Variants in NDUFAF5 observed in about 807,000 individuals in gnomAD.
NDUFAF5 encodes the protein NADH:ubiquinone oxidoreductase complex assembly factor 5.
NDUFAF5 carries 34 observed loss-of-function variants against 48.9 expected under a neutral mutation model. The ratio of observed to expected loss-of-function variants is 0.70; its 90% CI spans 0.53 to 0.93. The LOEUF (loss-of-function observed/expected upper bound fraction) is 0.93, where lower values mean the gene tolerates loss of function less well. Among genes scored for constraint, NDUFAF5 ranks in the 40% least tolerant of loss-of-function variants. The pLI is 0.00. For synonymous variants in NDUFAF5, 153 were observed against 150.6 expected (o/e 1.02, Z -0.12); for missense variants, 428 against 427.5 (o/e 1.00, Z -0.01).
In NDUFAF5 at chr20:13,785,122, G is replaced by A; in HGVS notation, c.54G>A (p.Arg18=). Residue 18 remains arginine (R), a synonymous_variant, in exon 1 of 11, where the codon AGG becomes AGA. Transcript: ENST00000378106. Reference sequence around the variant, plus strand: ...TATGTCGGCGACCTTGGGCGGCGAGGGTCCCAGCGGAGAATCTTGGCCGTA... The same window carrying A: ...TATGTCGGCGACCTTGGGCGGCGAGAGTCCCAGCGGAGAATCTTGGCCGTA... ...WRLCRRPWAA[R]VPAENLGRRE... 1 of 1,613,832 alleles carries A rather than the reference G, an allele frequency of 6.2e-7. No homozygotes were observed.
intron 5 of NDUFAF5, among the ~76,000 whole-genome samples, chr20:13,795,253 G>T (rs147108400): frequency 2.6e-5 from 4 of 152,256 alleles, no homozygotes; most frequent in African/African-American, 7.2e-5. Flanking sequence ...TTGGGAGCAG[G>T]AGTTTGAAAG....
At chr20:13,803,504 TAA>T (rs951492245) in intron 7 of NDUFAF5, 6 of 152,226 alleles carry the variant, frequency 3.9e-5, no homozygotes, top group African/African-American at 1.4e-4. Flanking sequence ...GCTATACAGA[TAA>T]AGCGAAAGTC....
intron 8 of NDUFAF5, chr20:13,815,919 G>A (rs1457240672): frequency 6.4e-6 from 1 of 155,346 alleles, no homozygotes; most frequent in East Asian, 1.8e-4. Flanking sequence ...CCAAAAGAAT[G>A]CACATAATTC....
chr20:13,816,725 C>T, intron 9 of NDUFAF5, 150 bp from the exon 10 acceptor site: 2 of 753,118 alleles, frequency 2.7e-6, no homozygotes, highest in South Asian at 1.5e-5. Flanking sequence ...ATTTCCTTAC[C>T]CTCAGTATTA....
In NDUFAF5 at chr20:13,785,064, T is replaced by G; in HGVS notation, c.-5T>G. 6.2e-7 allele frequency: 1 copy of G among 1,609,754 alleles called. No homozygotes were observed. Among genetic ancestry groups the G allele is most frequent in the Non-Finnish European group, 8.5e-7 (1 of 1,179,056 alleles). On this transcript the variant is annotated 5_prime_UTR_variant, in exon 1 of 11. Coordinates refer to ENST00000378106, the MANE Select transcript of NDUFAF5 (RefSeq NM_024120.5). Reference sequence around the variant, plus strand: ...AAGCGCCGGCAATTGGGGTCGCAGCTGGAGATGCTGCGGCCGGCAGGGCTC... The same window carrying G: ...AAGCGCCGGCAATTGGGGTCGCAGCGGGAGATGCTGCGGCCGGCAGGGCTC...
chr20:13,799,242 A>G (rs763630563), intron 6 of NDUFAF5, among the ~76,000 whole-genome samples: 7 of 152,214 alleles, frequency 4.6e-5, no homozygotes, highest in Non-Finnish European at 8.8e-5. Flanking sequence ...ATTCAGAGCC[A>G]CTGGAGCATT....
chr20:13,802,667 G>A (rs796120931), intron 7 of NDUFAF5, among the ~76,000 whole-genome samples: 102 of 53,186 alleles, frequency 1.9e-3, no homozygotes, highest in African/African-American at 7.1e-3. Flanking sequence ...TGAAATTCCC[G>A]TCTCAAAAAA....
In NDUFAF5 at chr20:13,785,269, AT is replaced by A. The variant is rs747228795; in HGVS notation, c.204del (p.Phe68LeufsTer4). ...WAARQPEPTK[F>X]DYLKEEVGSR... is the part of the protein sequence containing the mutation. ...CAGCCCGGCAGCCCGAGCCGACCAA[AT>A]TTGACTACCTGAAGGAGGAGGTGAG... On this transcript the variant is annotated frameshift_variant, in exon 1 of 11. Coordinates refer to ENST00000378106, the MANE Select transcript of NDUFAF5 (RefSeq NM_024120.5). LOFTEE classifies it high-confidence loss of function. The A allele has an allele frequency of 1.2e-5, 20 of 1,608,560 alleles. No individual in the cohort carries two copies. Among genetic ancestry groups the A allele is most frequent in the Non-Finnish European group, 1.6e-5 (19 of 1,176,784 alleles).
chr20:13,821,285 G>A lies in NDUFAF5; in HGVS notation c.*4075G>A, dbSNP rs1986965679. 1 of 152,224 alleles carries A rather than the reference G, an allele frequency of 6.6e-6. No individual in the cohort carries two copies. Among genetic ancestry groups the A allele is most frequent in the South Asian group, 2.1e-4 (1 of 4,830 alleles). 9.4% of individuals were successfully genotyped at this position (152,224 alleles called of 1,614,324 possible). On this transcript the variant is annotated 3_prime_UTR_variant, in exon 11 of 11. Coordinates refer to ENST00000378106, the MANE Select transcript of NDUFAF5 (RefSeq NM_024120.5). ...CTGAGACTAGGTAATAAAAGGCATT[G>A]CATCCTCCTTACTCTCTCTTGGATC...
At chr20:13,809,093 G>A (rs1985491376) in intron 8 of NDUFAF5, 191 bp downstream of exon 8, 2 of 601,644 alleles carry the variant, frequency 3.3e-6, no homozygotes, top group South Asian at 2.0e-5. Flanking sequence ...AATGGAGGAG[G>A]CAGGCACCAG....
intron 6 of NDUFAF5, among the ~76,000 whole-genome samples, chr20:13,800,066 G>A (rs1051419152): frequency 1.3e-5 from 2 of 152,144 alleles, no homozygotes; most frequent in African/African-American, 4.8e-5. Context: ...CAGGGACGGT[G>A]AGTATGCTGA....
intron 3 of NDUFAF5, among the ~76,000 whole-genome samples, chr20:13,791,519 A>G (rs937433046): frequency 6.6e-6 from 1 of 152,232 alleles, no homozygotes; most frequent in African/African-American, 2.4e-5. Context: ...ACCTTCTGCA[A>G]TTGTACTTAG....
chr20:13,793,769 A>T (rs951788725), intron 4 of NDUFAF5, among the ~76,000 whole-genome samples: 2 of 152,130 alleles, frequency 1.3e-5, no homozygotes, highest in African/African-American at 2.4e-5. Flanking sequence ...GAATTTATGG[A>T]TTCATTTTGA....
intron 3 of NDUFAF5, among the ~76,000 whole-genome samples, chr20:13,792,559 GGGA>G (rs1982450181): frequency 6.6e-6 from 1 of 152,178 alleles, no homozygotes; most frequent in South Asian, 2.1e-4. Flanking sequence ...GGTACCTAGA[GGGA>G]GGAGATTTTT....
At chr20:13,814,866 C>A (rs1014567041) in intron 8 of NDUFAF5, among the ~76,000 whole-genome samples, 2 of 152,118 alleles carry the variant, frequency 1.3e-5, no homozygotes, top group East Asian at 3.9e-4. Context: ...CAGATTCTTT[C>A]CACCACCCTC....
rs766441991 is a variant in NDUFAF5, at chr20:13,785,098, A to G, written c.30A>G (p.Leu10=). The change falls in exon 1 of 11, where the codon TTA becomes TTG. Residue 10 remains leucine (L), a synonymous_variant. Coordinates refer to ENST00000378106, the MANE Select transcript of NDUFAF5 (RefSeq NM_024120.5). The part of the protein sequence containing the change: MLRPAGLWR[L]CRRPWAARVP... ...TGCGGCCGGCAGGGCTCTGGCGCTT[A>G]TGTCGGCGACCTTGGGCGGCGAGGG... The G allele has an allele frequency of 6.2e-7, 1 of 1,613,282 alleles. No homozygotes were observed. Among genetic ancestry groups the G allele is most frequent in the Non-Finnish European group, 8.5e-7 (1 of 1,179,904 alleles).
chr20:13,808,656 A>T (rs1369243447), intron 7 of NDUFAF5, among the ~76,000 whole-genome samples, 186 bp from the exon 8 acceptor site: 1 of 152,216 alleles, frequency 6.6e-6, no homozygotes, highest in Non-Finnish European at 1.5e-5. Context: ...ACAATGCAGG[A>T]TATTTAATCA....
chr20:13,793,536 T>G (rs185565325), intron 4 of NDUFAF5, among the ~76,000 whole-genome samples: 4 of 152,336 alleles, frequency 2.6e-5, no homozygotes, highest in African/African-American at 9.6e-5. Flanking sequence ...ATCATTTTTT[T>G]TGTCAGTGAA....
At chr20:13,805,195 G>A (rs6110049) in intron 7 of NDUFAF5, among the ~76,000 whole-genome samples, 1 of 152,068 alleles carries the variant, frequency 6.6e-6, no homozygotes, top group African/African-American at 2.4e-5. Context: ...ATTTTCATGA[G>A]GTGATGTTAA....
Sources: gnomAD v4.1 joint callset for allele counts (sites outside exome capture counted in the v4.1 genomes callset) on GRCh38, gnomAD v4.1.1 for gene constraint, MANE v1.5 for transcripts, NCBI Gene and HGNC (gene_info 2026-07-23, HGNC 2026-07-21) for gene names.